Variants in NLRP14 observed in about 807,000 individuals in gnomAD.
NLRP14 encodes the protein NLR family pyrin domain containing 14.
A neutral mutation model predicts 94.7 loss-of-function variants in NLRP14; 105 were observed. The observed-to-expected ratio is 1.11, with a 90% CI of 0.95 to 1.30. NLRP14 has a LOEUF of 1.30. Among genes scored for constraint, NLRP14 ranks in the 50% most tolerant of loss-of-function variants. NLRP14 has a pLI of 0.00. For missense variants in NLRP14, 1,362 were observed against 1,254.1 expected, an observed-to-expected ratio of 1.09 and a Z score of -1.30; for synonymous variants, 508 against 459.9, an observed-to-expected ratio of 1.10 and a Z score of -1.34.
Position 7,042,554 on chromosome 11 carries a change from A to G in NLRP14, c.528A>G (p.Pro176=), listed in dbSNP as rs768980030. 1.2e-6 allele frequency: 2 copies of G among 1,614,248 alleles called. No homozygotes were observed. The highest frequency in any genetic ancestry group is 1.7e-6 in the Non-Finnish European group (2 of 1,180,026). ...TGGATGTCAAAACCGGTGCACAGCC[A>G]CAGATCGTGGTGCTTCAGGGAGCTG... ...FDVDVKTGAQ[P]QIVVLQGAAG... The change falls in exon 4 of 12, where the codon CCA becomes CCG. Residue 176 remains proline, a synonymous_variant. Transcript: ENST00000299481.
At chr11:7,048,309 C>T (rs918299991) in intron 5 of NLRP14, among the ~76,000 whole-genome samples, 1 of 152,016 alleles carries the variant, frequency 6.6e-6, no homozygotes, top group African/African-American at 2.4e-5. Context: ...TAATTGGATT[C>T]TAGATAATCA....
At chr11:7,083,157 C>T in the NLRP14 span, among the ~76,000 whole-genome samples, 3 of 152,194 alleles carry the variant, frequency 2.0e-5, no homozygotes, top group Non-Finnish European at 4.4e-5. Context: ...TGCTGATCTA[C>T]CAGAAAACCA....
At chr11:7,057,244 G>A (rs749916492) in intron 6 of NLRP14, among the ~76,000 whole-genome samples, 2 of 151,552 alleles carry the variant, frequency 1.3e-5, no homozygotes, top group African/African-American at 2.4e-5. Context: ...CAGAAAACAC[G>A]GGCTCATGAA....
At chr11:7,061,147 C>A (rs1276947455) in intron 9 of NLRP14, among the ~76,000 whole-genome samples, 1 of 152,020 alleles carries the variant, frequency 6.6e-6, no homozygotes, top group African/African-American at 2.4e-5. Flanking sequence ...CTCATGATAA[C>A]TAAACTTCCA....
rs963615218 is a variant in NLRP14, at chr11:7,042,571, A to G, written c.545A>G (p.Gln182Arg). The G allele has an allele frequency of 1.9e-6, 3 of 1,614,128 alleles. No individual in the cohort carries two copies. The highest frequency in any genetic ancestry group is 2.5e-6 in the Non-Finnish European group (3 of 1,180,026). Residue 182 changes from glutamine (Q) to arginine (R), a missense_variant, in exon 4 of 12, where the codon CAG (glutamine) becomes CGG (arginine). Coordinates refer to ENST00000299481, the MANE Select transcript of NLRP14 (RefSeq NM_176822.4). ...GCACAGCCACAGATCGTGGTGCTTC[A>G]GGGAGCTGCTGGAGTTGGGAAAACA... The part of the protein sequence containing the change: ...TGAQPQIVVL[Q>R]GAAGVGKTTL...
intron 2 of NLRP14, 102 bp from the exon 3 acceptor site, chr11:7,039,612 T>C: frequency 3.2e-6 from 3 of 934,286 alleles, no homozygotes; most frequent in Non-Finnish European, 1.8e-6. Flanking sequence ...CAGATAGTCA[T>C]AGAATTGGAC....
In NLRP14 at chr11:7,043,065, A is replaced by C. The variant is rs1406745136; in HGVS notation, c.1039A>C (p.Arg347=). The change falls in exon 4 of 12, where the codon AGG becomes CGG. Residue 347 remains arginine, a synonymous_variant. Coordinates refer to ENST00000299481, the MANE Select transcript of NLRP14 (RefSeq NM_176822.4). ...EYIYQFFEDK[R]WAMKVFSSLK... ...TATTTACCAGTTTTTTGAAGATAAG[A>C]GGTGGGCCATGAAAGTATTCAGTTC... 2 of 1,614,012 alleles carry C rather than the reference A, an allele frequency of 1.2e-6. No homozygotes were observed. Among genetic ancestry groups the C allele is most frequent in the African/African-American group, 2.7e-5 (2 of 74,926 alleles).
At position 7,046,831 on chromosome 11, in the gene NLRP14, C is replaced by G. The variant is rs1443955464; in HGVS notation, c.2122C>G (p.Leu708Val). Reference protein sequence around the residue: ...RHPNCKLQKLLLKFITFPDGC... With the variant: ...RHPNCKLQKLVLKFITFPDGC... ...CCCAAACTGTAAACTACAAAAGCTACTGTAAGTCTGGTATGAGAAAATTTA... is the reference window on the plus strand; with the variant it reads ...CCCAAACTGTAAACTACAAAAGCTAGTGTAAGTCTGGTATGAGAAAATTTA... The change falls in exon 5 of 12, where the codon CTG (leucine) becomes GTG (valine). Residue 708 changes from leucine (L) to valine (V), a missense_variant and splice_region_variant. Transcript: ENST00000299481. The G allele has an allele frequency of 6.2e-7, 1 of 1,609,628 alleles. No homozygotes were observed.
rs1409374422 is a variant in NLRP14, at chr11:7,042,649, A to G, written c.623A>G (p.Gln208Arg). Residue 208 changes from glutamine to arginine, a missense_variant, in exon 4 of 12, where the codon CAG becomes CGG. Physicochemically the swap from Gln to Arg is conservative, Grantham distance 43 (BLOSUM62 1). Coordinates refer to ENST00000299481, the MANE Select transcript of NLRP14 (RefSeq NM_176822.4). ...TGGGCAGAGGGCAGTCTCTACCAGCAGAGGTTTAAGTATGTTTTTTATCTC... is the reference window on the plus strand; with the variant it reads ...TGGGCAGAGGGCAGTCTCTACCAGCGGAGGTTTAAGTATGTTTTTTATCTC... Reference protein sequence around the residue: ...LDWAEGSLYQQRFKYVFYLNG... With the variant: ...LDWAEGSLYQRRFKYVFYLNG... 1 of 1,614,234 alleles carries G rather than the reference A, an allele frequency of 6.2e-7. No homozygotes were observed. The highest frequency in any genetic ancestry group is 1.7e-5 in the Admixed American group (1 of 60,028).
chr11:7,056,260 G>A (rs1182226017), intron 6 of NLRP14, among the ~76,000 whole-genome samples: 2 of 151,716 alleles, frequency 1.3e-5, no homozygotes, highest in African/African-American at 2.4e-5. Flanking sequence ...CAAGACAATT[G>A]ATAAAAAGTA....
intron 9 of NLRP14, among the ~76,000 whole-genome samples, chr11:7,061,365 C>T (rs373290828): frequency 4.6e-5 from 7 of 152,036 alleles, no homozygotes; most frequent in Admixed American, 2.6e-4. Flanking sequence ...TAACTACAGA[C>T]GTATAATTTC....
chr11:7,075,608 A>G (rs1417905193), downstream of NLRP14, among the ~76,000 whole-genome samples: 1 of 152,190 alleles, frequency 6.6e-6, no homozygotes, highest in Non-Finnish European at 1.5e-5. Flanking sequence ...AAAAATCATT[A>G]TGTGTTCATT....
chr11:7,078,984 C>T, the NLRP14 span, among the ~76,000 whole-genome samples: 1 of 152,142 alleles, frequency 6.6e-6, no homozygotes, highest in African/African-American at 2.4e-5. Flanking sequence ...CTTCGTTCTG[C>T]TGCAGGGAAG....
At chr11:7,053,955 T>C (rs1011820848) in intron 6 of NLRP14, among the ~76,000 whole-genome samples, 2 of 152,164 alleles carry the variant, frequency 1.3e-5, no homozygotes, top group African/African-American at 4.8e-5. Flanking sequence ...ATTCCCCCAC[T>C]GTGCTTCCTA....
intron 11 of NLRP14, among the ~76,000 whole-genome samples, chr11:7,070,677 T>C (rs1010559397): frequency 6.6e-6 from 1 of 152,212 alleles, no homozygotes; most frequent in African/African-American, 2.4e-5. Flanking sequence ...TGAGCTTGAA[T>C]TCTGACCCTA....
rs370253823 is a variant in NLRP14, at chr11:7,047,763, C to CTTTTTTTTTTTTTTTTTT, written c.2123+935_2123+936insTTTTTTTTTTTTTTTTTT. Among the ~76,000 whole-genome samples, 4 of 123,844 alleles carry CTTTTTTTTTTTTTTTTTT rather than the reference C, an allele frequency of 3.2e-5. 2 individuals are homozygous for CTTTTTTTTTTTTTTTTTT. Among genetic ancestry groups the CTTTTTTTTTTTTTTTTTT allele is most frequent in the Non-Finnish European group, 6.6e-5 (4 of 60,740 alleles). The allele number at this position is 123,844 out of a possible 152,430, so 81.2% of individuals were successfully genotyped here. A position where few individuals can be genotyped will look rare whatever the true frequency, so the allele number is the denominator to read the frequency against. On this transcript the variant is annotated intron_variant, in intron 5 of 11. Transcript: ENST00000299481. ...AATTTATCTTCTTTCTCTTTCTTTT[C>CTTTTTTTTTTTTTTTTTT]TTTTCTTTTTTTTTTTTGAGACAGT...
chr11:7,066,662 G>A (rs1332466452), intron 10 of NLRP14, among the ~76,000 whole-genome samples: 2 of 152,138 alleles, frequency 1.3e-5, no homozygotes, highest in Non-Finnish European at 2.9e-5. Flanking sequence ...TCTGATGACA[G>A]TTTCTTTTGC....
In NLRP14 at chr11:7,045,971, T is replaced by C. The variant is rs78572384; in HGVS notation, c.1959-697T>C. 2.5e-3 allele frequency among the ~76,000 whole-genome samples: 387 copies of C among 152,270 alleles called. 3 individuals carry two copies. Among genetic ancestry groups the C allele is most frequent in the African/African-American group, 9.1e-3 (379 of 41,556 alleles). ...AGTTCAGTGAGTGGCAGTGTTGAAT[T>C]GGGACTCAGAGCCGCTCCATTGTCG... On this transcript the variant is annotated intron_variant, in intron 4 of 11. Transcript: ENST00000299481.
rs1284507246 is a variant in NLRP14, at chr11:7,038,636, TG to T, written c.51del (p.Leu17PhefsTer6). The stretch of plus-strand genomic sequence containing the variant: ...TTCTTTCCTGATTTTGGGCTGCTAT[TG>T]TATTTGGAGGAGCTAAACAAAGAGG... ...SSFFPDFGLL[L>X]YLEELNKEEL... On this transcript the variant is annotated frameshift_variant, in exon 2 of 12. Coordinates refer to ENST00000299481, the MANE Select transcript of NLRP14 (RefSeq NM_176822.4). LOFTEE classifies it high-confidence loss of function. 6.2e-7 allele frequency: 1 copy of T among 1,614,020 alleles called. No individual in the cohort carries two copies. Among genetic ancestry groups the T allele is most frequent in the African/African-American group, 1.3e-5 (1 of 74,928 alleles).
Sources: gnomAD v4.1 joint callset for allele counts (sites outside exome capture counted in the v4.1 genomes callset) on GRCh38, gnomAD v4.1.1 for gene constraint, MANE v1.5 for transcripts, NCBI Gene and HGNC (gene_info 2026-07-23, HGNC 2026-07-21) for gene names.